The following POLQ variants were observed in gnomAD, a reference collection of about 807,000 sequenced individuals.
POLQ encodes DNA polymerase theta.
A neutral mutation model predicts 259.2 loss-of-function variants in POLQ; 233 were observed. That is an observed-to-expected ratio of 0.90 (90% CI 0.81 to 1.00). POLQ has a LOEUF of 1.00. Among genes scored for constraint, POLQ ranks in the 50% least tolerant of loss-of-function variants. The pLI, the probability that POLQ is intolerant of heterozygous loss-of-function variation, is 0.00. For synonymous variants in POLQ, 1,025 were observed against 1,048.8 expected, an observed-to-expected ratio of 0.98 and a Z score of 0.44; for missense variants, 2,871 against 3,051.6, an observed-to-expected ratio of 0.94 and a Z score of 1.39.
At chr3:121,460,374 C>T (rs1268834267) in intron 24 of POLQ, 140 bp from the exon 25 acceptor site, 3 of 623,390 alleles carry the variant, frequency 4.8e-6, no homozygotes, top group Non-Finnish European at 8.5e-6. Flanking sequence ...AAAGTTAAAA[C>T]CTTCCTCTTA....
At chr3:121,478,268 AT>A (rs1000210901) in intron 19 of POLQ, among the ~76,000 whole-genome samples, 1 of 152,136 alleles carries the variant, frequency 6.6e-6, no homozygotes, top group African/African-American at 2.4e-5. Context: ...CTAAGGGAAG[AT>A]TTCCCCCACG....
intron 7 of POLQ, among the ~76,000 whole-genome samples, chr3:121,523,848 T>C (rs1270111047): frequency 6.6e-6 from 1 of 152,212 alleles, no homozygotes; most frequent in African/African-American, 2.4e-5. Context: ...TTTAAATTTT[T>C]AGGTAAACTT....
chr3:121,514,361 CAAA>C (rs76640182), intron 9 of POLQ, among the ~76,000 whole-genome samples: 2 of 85,266 alleles, frequency 2.3e-5, no homozygotes, highest in Non-Finnish European at 2.5e-5. Flanking sequence ...CAACAATAAC[CAAA>C]AAAAAAAAAA....
At chr3:121,465,085 T>C (rs1287685897) in intron 24 of POLQ, among the ~76,000 whole-genome samples, 1 of 150,796 alleles carries the variant, frequency 6.6e-6, no homozygotes, top group Admixed American at 6.6e-5. Flanking sequence ...TTTTTTTTCT[T>C]TTTTCTTTTT....
Position 121,509,553 on chromosome 3 carries a change from G to T in POLQ, c.1959+8C>A. Reference sequence around the variant, plus strand: ...TTTCACAAACATAATTGTTAAAACAGAACTTACCAGATAGAGAATATGAAG... The same window carrying T: ...TTTCACAAACATAATTGTTAAAACATAACTTACCAGATAGAGAATATGAAG... On this transcript the variant is annotated splice_region_variant and intron_variant, in intron 12 of 29. Transcript: ENST00000264233. 2 of 1,605,044 alleles carry T rather than the reference G, an allele frequency of 1.2e-6. No homozygotes were observed. The highest frequency in any genetic ancestry group is 1.1e-5 in the South Asian group (1 of 89,184).
chr3:121,476,786 C>A, intron 19 of POLQ, 53 bp from the exon 20 acceptor site: 2 of 1,239,578 alleles, frequency 1.6e-6, no homozygotes, highest in South Asian at 2.8e-5. Flanking sequence ...GTGGCTAGAT[C>A]AGCAGCCTTA....
At chr3:121,491,899 G>A (rs115185165) in intron 15 of POLQ, among the ~76,000 whole-genome samples, 2,214 of 152,166 alleles carry the variant, frequency 0.015, 27 homozygotes, top group African/African-American at 0.023. Context: ...CCTGAGCTCC[G>A]CCTCCTGTCA....
At chr3:121,526,298 C>T (rs748476131) in intron 7 of POLQ, among the ~76,000 whole-genome samples, 2 of 152,194 alleles carry the variant, frequency 1.3e-5, no homozygotes, top group African/African-American at 2.4e-5. Context: ...TCTCACTCTC[C>T]AGTCCTTCTT....
At position 121,545,811 on chromosome 3, in the gene POLQ, T is replaced by C. The variant is rs1361614686; in HGVS notation, c.67A>G (p.Ser23Gly). The C allele has an allele frequency of 9.9e-6, 16 of 1,613,446 alleles. No homozygotes were observed. The highest frequency in any genetic ancestry group is 1.4e-5 in the Non-Finnish European group (16 of 1,179,820). Reference sequence around the variant, plus strand: ...GGGCTGGCACTGCTGTCACCGCCGCTTCCCGAGAACGAATCTGAGCCTGAT... The same window carrying C: ...GGGCTGGCACTGCTGTCACCGCCGCCTCCCGAGAACGAATCTGAGCCTGAT... ...SESGSDSFSG[S>G]GGDSSASPQF... The change falls in exon 1 of 30, where the codon AGC becomes GGC. Residue 23 changes from serine (S) to glycine (G), a missense_variant. Physicochemically the swap from Ser to Gly is moderately conservative, Grantham distance 56. Around this residue, in one of 3 missense-constraint regions of POLQ, gnomAD observed 783 missense variants for 906.2 expected, o/e 0.86. Coordinates refer to ENST00000264233, the MANE Select transcript of POLQ (RefSeq NM_199420.4).
At chr3:121,508,046 G>A (rs992170684) in intron 12 of POLQ, among the ~76,000 whole-genome samples, 5 of 143,946 alleles carry the variant, frequency 3.5e-5, no homozygotes, top group Non-Finnish European at 6.0e-5. Flanking sequence ...GTTTGGTAGC[G>A]ACAGATTCTT....
At chr3:121,517,555 A>G (rs1171514123) in intron 9 of POLQ, among the ~76,000 whole-genome samples, 1 of 152,154 alleles carries the variant, frequency 6.6e-6, no homozygotes, top group African/African-American at 2.4e-5. Context: ...TATATTTCCC[A>G]GCCTCTCTTA....
intron 25 of POLQ, among the ~76,000 whole-genome samples, chr3:121,454,257 G>A (rs978108463): frequency 3.9e-5 from 6 of 152,068 alleles, no homozygotes; most frequent in South Asian, 2.1e-4. Flanking sequence ...AGGAACAACC[G>A]GTATCAGCCA....
intron 12 of POLQ, among the ~76,000 whole-genome samples, chr3:121,499,524 G>C (rs1417254715): frequency 6.6e-6 from 1 of 152,028 alleles, no homozygotes; most frequent in African/African-American, 2.4e-5. Context: ...CAAAATGCTG[G>C]GATTACAGGC....
intron 24 of POLQ, among the ~76,000 whole-genome samples, chr3:121,464,987 C>T (rs903429810): frequency 6.6e-6 from 1 of 151,802 alleles, no homozygotes; most frequent in Non-Finnish European, 1.5e-5. Flanking sequence ...CAAATTAATA[C>T]TTCTAAAAAA....
In POLQ at chr3:121,519,867, T is replaced by G; in HGVS notation, c.1468+4A>C. 1.4e-6 allele frequency: 2 copies of G among 1,466,358 alleles called. No individual in the cohort carries two copies. Among genetic ancestry groups the G allele is most frequent in the Non-Finnish European group, 1.9e-6 (2 of 1,045,532 alleles). 90.8% of individuals were successfully genotyped at this position (1,466,358 alleles called of 1,614,324 possible). Reference sequence around the variant, plus strand: ...CTGCTACAATTAAATTCAAACTCACTTACCTACTGTGTCCACTCCTTTCCT... The same window carrying G: ...CTGCTACAATTAAATTCAAACTCACGTACCTACTGTGTCCACTCCTTTCCT... On this transcript the variant is annotated splice_donor_region_variant and intron_variant, in intron 9 of 29. Transcript: ENST00000264233.
intron 24 of POLQ, among the ~76,000 whole-genome samples, chr3:121,461,228 T>A (rs535838988): frequency 6.6e-6 from 1 of 152,336 alleles, no homozygotes; most frequent in Non-Finnish European, 1.5e-5. Context: ...TAACAGTGTC[T>A]ATCGAAATTA....
chr3:121,503,683 A>C (rs963844050), intron 12 of POLQ, among the ~76,000 whole-genome samples: 1 of 152,206 alleles, frequency 6.6e-6, no homozygotes, highest in South Asian at 2.1e-4. Flanking sequence ...ATGGATGCTC[A>C]AGTCTCTGAT....
At position 121,515,084 on chromosome 3, in the gene POLQ, G is replaced by C. The variant is rs1314354267; in HGVS notation, c.1469-3055C>G. Among the ~76,000 whole-genome samples, 4 of 152,254 alleles carry C rather than the reference G, an allele frequency of 2.6e-5. No individual in the cohort carries two copies. In the East Asian group the frequency reaches 7.7e-4, roughly 29 times the overall value. On this transcript the variant is annotated intron_variant, in intron 9 of 29. Coordinates refer to ENST00000264233, the MANE Select transcript of POLQ (RefSeq NM_199420.4). ...GCAGGGACTAGTTCTGCCAAGGGTGGAAGTTTAAACAGCCCTCAGTTCAGT... is the reference window on the plus strand; with the variant it reads ...GCAGGGACTAGTTCTGCCAAGGGTGCAAGTTTAAACAGCCCTCAGTTCAGT...
rs2048047729 is a variant in POLQ at position 121,489,633 on chromosome 3, T to A, written c.3298A>T (p.Asn1100Tyr). ...TTTTCCTTACCACTCAAAGATACATTTTTAGCAAATGGCCCTGAATTTCTA... is the reference window on the plus strand; with the variant it reads ...TTTTCCTTACCACTCAAAGATACATATTTAGCAAATGGCCCTGAATTTCTA... The part of the protein sequence containing the change: ...EFRNSGPFAK[N>Y]VSLSGKEKDN... The change falls in exon 16 of 30, where the codon AAT (asparagine) becomes TAT (tyrosine). Residue 1100 changes from asparagine (N) to tyrosine (Y), a missense_variant. Asn to Tyr is a moderately radical substitution (Grantham distance 143). Around this residue, in one of 3 missense-constraint regions of POLQ, gnomAD observed 2,080 missense variants for 2,126.0 expected, o/e 0.98. Coordinates refer to ENST00000264233, the MANE Select transcript of POLQ (RefSeq NM_199420.4). 6.2e-7 allele frequency: 1 copy of A among 1,613,874 alleles called. No homozygotes were observed. The highest frequency in any genetic ancestry group is 1.1e-5 in the South Asian group (1 of 91,016).
Sources: gnomAD v4.1 joint callset for allele counts (sites outside exome capture counted in the v4.1 genomes callset) on GRCh38, gnomAD v4.1.1 for gene constraint, gnomAD v4.1.1 regional missense constraint, MANE v1.5 for transcripts, NCBI Gene and HGNC (gene_info 2026-07-23, HGNC 2026-07-21) for gene names.